ZNF93: variants seen among roughly 807,000 people sequenced by gnomAD.
ZNF93 encodes the protein zinc finger protein 93, also known as zinc finger protein 505.
A neutral mutation model predicts 45.0 loss-of-function variants in ZNF93; 29 were observed. The ratio of observed to expected loss-of-function variants is 0.64; its 90% confidence interval spans 0.48 to 0.88. ZNF93 has a LOEUF of 0.88. Ranked by LOEUF, ZNF93 falls within the 40% of genes least tolerant of loss-of-function variation. The probability of loss-of-function intolerance (pLI) is 0.00; values close to 1 mark genes in which losing one functional copy is unlikely to be tolerated. For synonymous variants in ZNF93, 223 were observed against 244.6 expected (o/e 0.91, Z 0.82); for missense variants, 578 against 724.0 (o/e 0.80, Z 2.31).
Position 19,933,895 on chromosome 19 carries a change from G to A in ZNF93, c.940G>A (p.Val314Ile), listed in dbSNP as rs200562631. 8.4e-5 allele frequency: 133 copies of A among 1,578,150 alleles called. No homozygotes were observed. The African/African-American group carries it at 1.2e-3, about 15-fold the overall frequency. The change falls in exon 4 of 4, where the codon GTT (valine) becomes ATT (isoleucine). Residue 314 changes from valine to isoleucine, a missense_variant. Physicochemically the swap from Val to Ile is conservative, Grantham distance 29. Coordinates refer to ENST00000343769, the MANE Select transcript of ZNF93 (RefSeq NM_031218.4). ...KKIHTGEKPY[V>I]CEECGKAFKY... ...AATTCATACTGGAGAGAAGCCCTAC[G>A]TTTGTGAAGAATGTGGCAAAGCCTT...
intron 3 of ZNF93, among the ~76,000 whole-genome samples, chr19:19,925,029 C>G (rs1446149334): frequency 6.6e-6 from 1 of 152,162 alleles, no homozygotes; most frequent in Non-Finnish European, 1.5e-5. Flanking sequence ...TACATGGATG[C>G]CTTTATTCAG....
At chr19:19,903,597 C>T (rs544087161) in intron 1 of ZNF93, among the ~76,000 whole-genome samples, 20 of 150,832 alleles carry the variant, frequency 1.3e-4, no homozygotes, top group African/African-American at 2.0e-4. Context: ...GAAACTCCAT[C>T]GTTACTAAAA....
At chr19:19,929,100 G>A (rs1009095200) in intron 3 of ZNF93, among the ~76,000 whole-genome samples, 1 of 152,146 alleles carries the variant, frequency 6.6e-6, no homozygotes, top group Non-Finnish European at 1.5e-5. Context: ...AGTTTACACT[G>A]TATCAATTCA....
chr19:19,924,477 A>G (rs928177597), intron 3 of ZNF93, among the ~76,000 whole-genome samples: 1 of 152,208 alleles, frequency 6.6e-6, no homozygotes, highest in Middle Eastern at 3.4e-3. Flanking sequence ...GACACAATAT[A>G]GTTTTGTATT....
At chr19:19,902,738 C>CT (rs35918160) in intron 1 of ZNF93, among the ~76,000 whole-genome samples, 11,564 of 135,660 alleles carry the variant, frequency 0.085, 1,062 homozygotes, top group African/African-American at 0.23. Context: ...CTGGGAGGAT[C>CT]TTTTTTTTTT....
chr19:19,912,301 C>T (rs895901206), intron 1 of ZNF93, among the ~76,000 whole-genome samples: 4 of 152,026 alleles, frequency 2.6e-5, no homozygotes, highest in African/African-American at 7.3e-5. Flanking sequence ...GGGTTCTCAC[C>T]CTGCCCCAGA....
At chr19:19,902,282 T>C (rs2063275365) in intron 1 of ZNF93, among the ~76,000 whole-genome samples, 2 of 152,080 alleles carry the variant, frequency 1.3e-5, no homozygotes, top group African/African-American at 4.8e-5. Flanking sequence ...GACAGAGTTT[T>C]GCGTTTTGCT....
intron 1 of ZNF93, among the ~76,000 whole-genome samples, chr19:19,909,748 G>C (rs546671986): frequency 2.0e-5 from 3 of 152,296 alleles, no homozygotes; most frequent in East Asian, 3.9e-4. Flanking sequence ...AGAATTACCA[G>C]ACATGATATA....
At chr19:19,904,292 T>G (rs996520013) in intron 1 of ZNF93, among the ~76,000 whole-genome samples, 1 of 152,160 alleles carries the variant, frequency 6.6e-6, no homozygotes, top group African/African-American at 2.4e-5. Flanking sequence ...CAGGATTATC[T>G]ATGTGTTTCA....
At chr19:19,925,046 G>A (rs10409286) in intron 3 of ZNF93, among the ~76,000 whole-genome samples, 15,478 of 152,238 alleles carry the variant, frequency 0.1, 1,539 homozygotes, top group African/African-American at 0.26. Context: ...TCAGGTCTCT[G>A]GAATGGCATG....
At chr19:19,927,457 A>C in intron 3 of ZNF93, 1 of 348,468 alleles carries the variant, frequency 2.9e-6, no homozygotes, top group Non-Finnish European at 5.1e-6. Flanking sequence ...TTCAATGTCC[A>C]TTAAGTAACA....
chr19:19,920,556 C>A (rs1261270462), intron 3 of ZNF93, among the ~76,000 whole-genome samples: 1 of 152,162 alleles, frequency 6.6e-6, no homozygotes, highest in Non-Finnish European at 1.5e-5. Flanking sequence ...TGGTAGAATT[C>A]AGCTGTGAAT....
chr19:19,931,861 T>A (rs776564794), intron 3 of ZNF93: 15 of 212,296 alleles, frequency 7.1e-5, no homozygotes, highest in Non-Finnish European at 1.3e-4. Context: ...ATCTTAGTAA[T>A]CATCTCAAAA....
At chr19:19,917,185 C>G (rs1339173944) in intron 3 of ZNF93, among the ~76,000 whole-genome samples, 2 of 151,858 alleles carry the variant, frequency 1.3e-5, no homozygotes, top group Non-Finnish European at 2.9e-5. Flanking sequence ...CTCAAGATTG[C>G]TTTGGCTATT....
At chr19:19,919,427 G>A (rs1288611153) in intron 3 of ZNF93, among the ~76,000 whole-genome samples, 2 of 151,952 alleles carry the variant, frequency 1.3e-5, no homozygotes, top group African/African-American at 4.9e-5. Flanking sequence ...GATTGACTTG[G>A]TAATGTGGGC....
intron 1 of ZNF93, among the ~76,000 whole-genome samples, chr19:19,903,149 C>A (rs2063280830): frequency 6.6e-6 from 1 of 152,098 alleles, no homozygotes; most frequent in South Asian, 2.1e-4. Context: ...AAAAGTATTA[C>A]AACAGGAGGA....
chr19:19,935,002 G>C lies in ZNF93; in HGVS notation c.*184G>C. 1 of 625,460 alleles carries C rather than the reference G, an allele frequency of 1.6e-6. No homozygotes were observed. The highest frequency in any genetic ancestry group is 2.7e-6 in the Non-Finnish European group (1 of 375,982). 38.7% of individuals were successfully genotyped at this position (625,460 alleles called of 1,614,324 possible). A position where few individuals can be genotyped will look rare whatever the true frequency, so the allele number is the denominator to read the frequency against. ...CCATGTAGGCAGGCCTGCAGACCTT[G>C]GCCTTTACTACGGTACCTGAAGTGG... On this transcript the variant is annotated 3_prime_UTR_variant, in exon 4 of 4. Coordinates refer to ENST00000343769, the MANE Select transcript of ZNF93 (RefSeq NM_031218.4).
rs775111035 is a variant in ZNF93, at chr19:19,934,184, C to T, written c.1229C>T (p.Ser410Phe). The stretch of plus-strand genomic sequence containing the variant: ...TGTGGCAAAGCCTTTAAGTACTCCT[C>T]TACCCTTAGTTCACATAAGAGAAGT... Reference protein sequence around the residue: ...EECGKAFKYSSTLSSHKRSHT... With the variant: ...EECGKAFKYSFTLSSHKRSHT... Residue 410 changes from serine to phenylalanine, a missense_variant, in exon 4 of 4, where the codon TCT becomes TTT. Ser to Phe is a radical substitution (Grantham distance 155, BLOSUM62 -2). This residue lies in a region of ZNF93 where 446 missense variants were observed against 547.6 expected (regional missense o/e 0.81). Transcript: ENST00000343769. 1.4e-4 allele frequency: 232 copies of T among 1,611,968 alleles called. No individual in the cohort carries two copies. Among genetic ancestry groups the T allele is most frequent in the Non-Finnish European group, 1.8e-4 (207 of 1,179,960 alleles).
At chr19:19,921,103 A>G (rs1030245373) in intron 3 of ZNF93, among the ~76,000 whole-genome samples, 4 of 152,104 alleles carry the variant, frequency 2.6e-5, no homozygotes, top group South Asian at 4.2e-4. Flanking sequence ...CCCTCTACAC[A>G]CTGCTTTAAA....
Sources: gnomAD v4.1 joint callset for allele counts (sites outside exome capture counted in the v4.1 genomes callset) on GRCh38, gnomAD v4.1.1 for gene constraint, gnomAD v4.1.1 regional missense constraint, MANE v1.5 for transcripts, NCBI Gene and HGNC (gene_info 2026-07-23, HGNC 2026-07-21) for gene names.